Variants in DOCK6 observed in about 807,000 individuals in gnomAD.
DOCK6 encodes the protein dedicator of cytokinesis 6, also known as dedicator of cytokinesis protein 6.
A neutral mutation model predicts 230.3 loss-of-function variants in DOCK6; 167 were observed. The observed-to-expected ratio is 0.73, with a 90% confidence interval of 0.64 to 0.82. DOCK6 has a LOEUF of 0.82. DOCK6 is among the 40% of genes least tolerant of loss of function. The probability of loss-of-function intolerance (pLI) is 0.00; values close to 1 mark genes in which losing one functional copy is unlikely to be tolerated. For missense variants in DOCK6, 2,598 were observed against 2,825.8 expected (o/e 0.92, Z 1.83); for synonymous variants, 1,148 against 1,185.0 (o/e 0.97, Z 0.64).
At chr19:11,228,880 A>G in intron 23 of DOCK6, 60 bp downstream of exon 23, 1 of 1,565,404 alleles carries the variant, frequency 6.4e-7, no homozygotes, top group Non-Finnish European at 8.8e-7. Context: ...TCTCTCTTTA[A>G]AAAAGGAAGG....
At chr19:11,227,588 GT>G in intron 23 of DOCK6, 111 bp from the exon 24 acceptor site, 2 of 1,370,486 alleles carry the variant, frequency 1.5e-6, no homozygotes, top group Non-Finnish European at 2.0e-6. Context: ...AGGACTGTGG[GT>G]GGGGCTTGAA....
At chr19:11,259,385 A>T (rs1157349068) in intron 1 of DOCK6, among the ~76,000 whole-genome samples, 1 of 152,064 alleles carries the variant, frequency 6.6e-6, no homozygotes, top group African/African-American at 2.4e-5. Flanking sequence ...AATGGTAAAA[A>T]ATAACAATAT....
In DOCK6 at chr19:11,222,156, C is replaced by A; in HGVS notation, c.3333G>T (p.Gly1111=). ...GPFRQQHFLA[G]LLLTELALAL... is the part of the protein sequence containing the mutation. ...CCAGTGCCAGCTCCGTCAGCAGGAGCCCAGCTAGGAAGTGCTGCTGCCGGA... is the reference window on the plus strand; with the variant it reads ...CCAGTGCCAGCTCCGTCAGCAGGAGACCAGCTAGGAAGTGCTGCTGCCGGA... Residue 1111 remains glycine, a synonymous_variant, in exon 27 of 48, where the codon GGG becomes GGT. Coordinates refer to ENST00000294618, the MANE Select transcript of DOCK6 (RefSeq NM_020812.4). This position sits in a 1 kb window ranked among gnomAD's most constrained non-coding sequence, Gnocchi z 4.0. 1 of 1,612,340 alleles carries A rather than the reference C, an allele frequency of 6.2e-7. No homozygotes were observed. Among genetic ancestry groups the A allele is most frequent in the Non-Finnish European group, 8.5e-7 (1 of 1,179,318 alleles).
At chr19:11,260,783 T>G (rs1481512305) in intron 1 of DOCK6, among the ~76,000 whole-genome samples, 1 of 147,198 alleles carries the variant, frequency 6.8e-6, no homozygotes, top group African/African-American at 2.5e-5. Flanking sequence ...CTCAGGAGGC[T>G]GAGGCACAAG....
At chr19:11,234,627 G>A (rs1251413994) in intron 21 of DOCK6, among the ~76,000 whole-genome samples, 1 of 142,790 alleles carries the variant, frequency 7.0e-6, no homozygotes, top group Non-Finnish European at 1.5e-5. Flanking sequence ...TATTATCCCT[G>A]TTTTACAAAA....
rs3810307 is a variant in DOCK6, at chr19:11,221,894, T to A, written c.3507A>T (p.Leu1169=). The A allele has an allele frequency of 0.21, 333,592 of 1,613,610 alleles. 39,880 individuals are homozygous for A. The highest frequency in any genetic ancestry group is 0.52 in the African/African-American group (39,308 of 74,968). Residue 1169 remains leucine (L), a synonymous_variant, in exon 28 of 48, where the codon CTA becomes CTT. Coordinates refer to ENST00000294618, the MANE Select transcript of DOCK6 (RefSeq NM_020812.4). ...ARVAELYLPL[L]SIARDTLPRL... Reference sequence around the variant, plus strand: ...GTGGCAAGGTATCCCGTGCAATCGATAGCAGTGGCAGGTACAGCTCGGCCA... The same window carrying A: ...GTGGCAAGGTATCCCGTGCAATCGAAAGCAGTGGCAGGTACAGCTCGGCCA...
In DOCK6 at chr19:11,209,107, G is replaced by A; in HGVS notation, c.4752-4C>T. On this transcript the variant is annotated splice_region_variant and splice_polypyrimidine_tract_variant and intron_variant, in intron 37 of 47. Coordinates refer to ENST00000294618, the MANE Select transcript of DOCK6 (RefSeq NM_020812.4). ...GCCCTGGTAGCCCCGGGCAATTCTGGAGTCCAGGTGAGGGGGGATGTGAGG... is the reference window on the plus strand; with the variant it reads ...GCCCTGGTAGCCCCGGGCAATTCTGAAGTCCAGGTGAGGGGGGATGTGAGG... 1.2e-6 allele frequency: 2 copies of A among 1,610,096 alleles called. No individual in the cohort carries two copies. Among genetic ancestry groups the A allele is most frequent in the South Asian group, 2.2e-5 (2 of 90,612 alleles).
In DOCK6 at chr19:11,227,409, G is replaced by C; in HGVS notation, c.2883C>G (p.Pro961=). The part of the protein sequence containing the change: ...RLDTPRKLRF[P]GRFLDDITAL... Reference sequence around the variant, plus strand: ...CAGTGATGTCGTCCAGGAAGCGTCCGGGGAAGCGCAGCTTGCGGGGTGTGT... The same window carrying C: ...CAGTGATGTCGTCCAGGAAGCGTCCCGGGAAGCGCAGCTTGCGGGGTGTGT... The change falls in exon 24 of 48, where the codon CCC becomes CCG. Residue 961 remains proline, a synonymous_variant. Transcript: ENST00000294618. The C allele has an allele frequency of 6.2e-7, 1 of 1,613,422 alleles. No homozygotes were observed. Among genetic ancestry groups the C allele is most frequent in the Non-Finnish European group, 8.5e-7 (1 of 1,179,768 alleles).
At chr19:11,221,774 T>G in intron 28 of DOCK6, 77 bp downstream of exon 28, 1 of 1,605,118 alleles carries the variant, frequency 6.2e-7, no homozygotes. Context: ...GACTGTGTTC[T>G]CCCACCTTTA....
intron 35 of DOCK6, 78 bp downstream of exon 35, chr19:11,213,094 CCTCA>C (rs1194036533): frequency 1.3e-6 from 2 of 1,514,626 alleles, no homozygotes; most frequent in Non-Finnish European, 1.8e-6. Flanking sequence ...TCTCCCCCTC[CCTCA>C]CTCCCTGTAT....
chr19:11,215,318 C>A, intron 32 of DOCK6, 69 bp downstream of exon 32: 1 of 1,434,574 alleles, frequency 7.0e-7, no homozygotes. Flanking sequence ...AACTCCTGGA[C>A]TCAAGCAATC....
Position 11,213,241 on chromosome 19 carries a change from T to C in DOCK6, c.4426A>G (p.Thr1476Ala), listed in dbSNP as rs1375810792. The C allele has an allele frequency of 1.2e-6, 2 of 1,612,958 alleles. No homozygotes were observed. Among genetic ancestry groups the C allele is most frequent in the South Asian group, 2.2e-5 (2 of 91,080 alleles). ...LLRHCGSRISTIRTHASASLY... is the reference protein window; with the variant it reads ...LLRHCGSRISAIRTHASASLY... Reference sequence around the variant, plus strand: ...GAGGCGCTGGCGTGCGTGCGGATGGTGCTGATGCGGCTGCCACAGTGTCGT... The same window carrying C: ...GAGGCGCTGGCGTGCGTGCGGATGGCGCTGATGCGGCTGCCACAGTGTCGT... The change falls in exon 35 of 48, where the codon ACC (threonine) becomes GCC (alanine). Residue 1476 changes from threonine (T) to alanine (A), a missense_variant. Physicochemically the swap from Thr to Ala is moderately conservative, Grantham distance 58. Transcript: ENST00000294618.
rs569878866 is a variant in DOCK6, at chr19:11,229,280, C to T, written c.2719-245G>A. 665 of 1,291,542 alleles carry T rather than the reference C, an allele frequency of 5.1e-4. 4 individuals carry two copies. In the African/African-American group the frequency reaches 8.1e-3, roughly 16 times the overall value. 80.0% of individuals were successfully genotyped at this position (1,291,542 alleles called of 1,614,324 possible). On this transcript the variant is annotated intron_variant, in intron 22 of 47. Transcript: ENST00000294618. ...GGACCAGGACAAAAATAGCGTCATC[C>T]GCACCTCCCCCCACTACCTTCTGCA...
At chr19:11,230,348 A>G (rs2079745130) in intron 22 of DOCK6, among the ~76,000 whole-genome samples, 1 of 152,228 alleles carries the variant, frequency 6.6e-6, no homozygotes, top group South Asian at 2.1e-4. Context: ...TCAAAAAAAA[A>G]AGAACGTGAT....
chr19:11,228,554 TTC>T (rs1219912747), intron 23 of DOCK6, among the ~76,000 whole-genome samples: 12 of 145,532 alleles, frequency 8.2e-5, no homozygotes, highest in African/African-American at 3.0e-4. Context: ...TTCAGGGGGC[TTC>T]TCTCTTTTTT....
At chr19:11,233,509 G>A in intron 21 of DOCK6, 143 bp from the exon 22 acceptor site, 2 of 1,090,590 alleles carry the variant, frequency 1.8e-6, no homozygotes, top group South Asian at 3.4e-5. Flanking sequence ...CATAATGGCT[G>A]CCGCCTCACA....
chr19:11,250,011 G>C (rs1272185342), intron 6 of DOCK6, among the ~76,000 whole-genome samples: 3 of 150,820 alleles, frequency 2.0e-5, no homozygotes, highest in Non-Finnish European at 2.9e-5. Flanking sequence ...ATATACAGAA[G>C]CTATCTTTTT....
rs150130312 is a variant in DOCK6, at chr19:11,252,298, G to A, written c.378-50C>T. On this transcript the variant is annotated intron_variant, in intron 4 of 47. Transcript: ENST00000294618. ...GTAGGGAGGGCTGAGGGCCCCCAGG[G>A]GGTCCCCAGTGTGTTCTGACACACC... The A allele has an allele frequency of 2.1e-3, 3,289 of 1,567,266 alleles. 47 individuals are homozygous for A. In the South Asian group the frequency reaches 0.022, roughly 10 times the overall value.
chr19:11,224,741 C>T (rs2079637727), intron 24 of DOCK6, among the ~76,000 whole-genome samples: 1 of 152,080 alleles, frequency 6.6e-6, no homozygotes, highest in Non-Finnish European at 1.5e-5. Context: ...CACTCTGAGG[C>T]CTCACAAGTT....
Sources: gnomAD v4.1 joint callset for allele counts (sites outside exome capture counted in the v4.1 genomes callset) on GRCh38, gnomAD v4.1.1 for gene constraint, Gnocchi (gnomAD v3.1) non-coding constraint, MANE v1.5 for transcripts, NCBI Gene and HGNC (gene_info 2026-07-23, HGNC 2026-07-21) for gene names.